MXD1: variants seen among roughly 807,000 people sequenced by gnomAD.
MXD1 encodes the protein MAX-binding protein.
MXD1 carries 9 observed loss-of-function variants against 25.7 expected under a neutral mutation model. That is an observed-to-expected ratio of 0.35 (90% confidence interval 0.21 to 0.61). The LOEUF is 0.61. Ranked by LOEUF, MXD1 falls within the 20% of genes least tolerant of loss-of-function variation. The probability of loss-of-function intolerance (pLI) is 0.75; values close to 1 mark genes in which losing one functional copy is unlikely to be tolerated. For missense variants in MXD1, 227 were observed against 292.4 expected, an observed-to-expected ratio of 0.78 and a Z score of 1.63; for synonymous variants, 99 against 113.9, an observed-to-expected ratio of 0.87 and a Z score of 0.83.
At chr2:69,920,150 G>T (rs531673092) in intron 2 of MXD1, among the ~76,000 whole-genome samples, 1 of 152,152 alleles carries the variant, frequency 6.6e-6, no homozygotes, top group South Asian at 2.1e-4. Flanking sequence ...CACCACGCCC[G>T]GCTAATTTTT....
At chr2:69,925,664 GTATTA>G (rs1032046742) in intron 3 of MXD1, among the ~76,000 whole-genome samples, 6 of 152,034 alleles carry the variant, frequency 3.9e-5, no homozygotes, top group African/African-American at 1.2e-4. Flanking sequence ...TTAATGCCCA[GTATTA>G]TATTATATGA....
intron 4 of MXD1, 46 bp from the exon 5 acceptor site, chr2:69,937,189 T>G (rs1429888207): frequency 6.2e-7 from 1 of 1,609,854 alleles, no homozygotes; most frequent in South Asian, 1.1e-5. Context: ...ATTGCCCATT[T>G]AGAGATCTCC....
rs373209191 is a variant in MXD1, at chr2:69,926,807, C to T, written c.203+5042C>T. Among the ~76,000 whole-genome samples, 42 of 152,320 alleles carry T rather than the reference C, an allele frequency of 2.8e-4. No individual in the cohort carries two copies. In the South Asian group the frequency reaches 8.5e-3, roughly 31 times the overall value. On this transcript the variant is annotated intron_variant, in intron 3 of 5. Coordinates refer to ENST00000264444, the MANE Select transcript of MXD1 (RefSeq NM_002357.4). ...TAAAACAAAGCCTTTCAATGAATCC[C>T]TCAGCAAATGGAGACTGAGCAAACA...
intron 3 of MXD1, among the ~76,000 whole-genome samples, chr2:69,931,623 T>G (rs1216278570): frequency 3.3e-5 from 5 of 152,216 alleles, no homozygotes; most frequent in Non-Finnish European, 5.9e-5. Context: ...AGTCAGAATT[T>G]TTTAAAAAAA....
At chr2:69,928,397 T>C (rs183754196) in intron 3 of MXD1, among the ~76,000 whole-genome samples, 1 of 152,302 alleles carries the variant, frequency 6.6e-6, no homozygotes, top group East Asian at 1.9e-4. Context: ...AAAGAAAGAA[T>C]ATGTTTGGTA....
chr2:69,915,496 GT>G lies in MXD1; in HGVS notation c.73+95del, dbSNP rs1338456371. The G allele has an allele frequency of 9.1e-7, 1 of 1,093,462 alleles. No individual in the cohort carries two copies. 67.7% of individuals were successfully genotyped at this position (1,093,462 alleles called of 1,614,324 possible). ...CGGGCGCCCAGCCGCTCCGGGGGTG[GT>G]TGGAGGCGGGGAGACCGCGAGCGCT... On this transcript the variant is annotated intron_variant, in intron 1 of 5. Transcript: ENST00000264444. The surrounding 1 kb of genome is among the most constrained non-coding windows in gnomAD (Gnocchi z 5.8).
rs1022826317 is a variant in MXD1, at chr2:69,939,981, G to T, written c.*1697G>T. 1 of 152,118 alleles carries T rather than the reference G, an allele frequency of 6.6e-6. No homozygotes were observed. The allele number at this position is 152,118 out of a possible 1,614,324, so 9.4% of individuals were successfully genotyped here. A position where few individuals can be genotyped will look rare whatever the true frequency, so the allele number is the denominator to read the frequency against. On this transcript the variant is annotated 3_prime_UTR_variant, in exon 6 of 6. Transcript: ENST00000264444. ...AGTCTCAGAAAGCAAGATTACTTTT[G>T]TGTTTTTTAAAAAATGATTCTTTAA... is the stretch of plus-strand genomic sequence containing the variant.
At chr2:69,934,696 A>C (rs533873872) in intron 3 of MXD1, among the ~76,000 whole-genome samples, 11 of 152,334 alleles carry the variant, frequency 7.2e-5, no homozygotes, top group African/African-American at 2.6e-4. Context: ...GTATACTCAC[A>C]GTTTGGAATC....
At chr2:69,937,065 A>G (rs1338508507) in intron 4 of MXD1, 170 bp from the exon 5 acceptor site, 1 of 859,216 alleles carries the variant, frequency 1.2e-6, no homozygotes, top group Non-Finnish European at 2.0e-6. Context: ...AGACGAAGCC[A>G]GGAGTCACTG....
chr2:69,936,290 G>T (rs971934800), intron 4 of MXD1, among the ~76,000 whole-genome samples: 1 of 152,060 alleles, frequency 6.6e-6, no homozygotes, highest in East Asian at 1.9e-4. Flanking sequence ...ACAGTGGTTT[G>T]TGTGACCATT....
In MXD1 at chr2:69,921,354, G is replaced by T. The variant is rs191505749; in HGVS notation, c.174-382G>T. ...CCCCTAGGGAAAACTGCAGGGGTGG[G>T]GTAGGGGTGCTACCTCCCCTGTTCT... On this transcript the variant is annotated intron_variant, in intron 2 of 5. Transcript: ENST00000264444. Among the ~76,000 whole-genome samples, 267 of 152,234 alleles carry T rather than the reference G, an allele frequency of 1.8e-3. 3 individuals are homozygous for T. Among genetic ancestry groups the T allele is most frequent in the Non-Finnish European group, 5.0e-4 (34 of 68,008 alleles).
rs775476137 is a variant in MXD1, at chr2:69,935,492, T to C, written c.318+27T>C. The C allele has an allele frequency of 3.7e-5, 54 of 1,461,110 alleles. 4 individuals carry two copies. The South Asian group carries it at 6.0e-4, about 16-fold the overall frequency. The allele number at this position is 1,461,110 out of a possible 1,614,324, so 90.5% of individuals were successfully genotyped here. A position where few individuals can be genotyped will look rare whatever the true frequency, so the allele number is the denominator to read the frequency against. ...TAAGTGTATTGTTGGGATGCTGCTT[T>C]ATCTTTACCTGTTCAGTGAGGGTTT... On this transcript the variant is annotated intron_variant, in intron 4 of 5. Transcript: ENST00000264444.
chr2:69,919,741 C>T (rs915241087), intron 2 of MXD1, among the ~76,000 whole-genome samples: 6 of 152,212 alleles, frequency 3.9e-5, no homozygotes, highest in Admixed American at 6.5e-5. Flanking sequence ...ATGCCAGATT[C>T]TTGTTAACTA....
chr2:69,929,184 C>T (rs1418744461), intron 3 of MXD1, among the ~76,000 whole-genome samples: 4 of 152,208 alleles, frequency 2.6e-5, no homozygotes, highest in Non-Finnish European at 5.9e-5. Context: ...TGAGCCACTG[C>T]GCCCGGCCCA....
Position 69,915,863 on chromosome 2 carries a change from C to T in MXD1, c.74-258C>T, listed in dbSNP as rs1676952481. On this transcript the variant is annotated intron_variant, in intron 1 of 5. Transcript: ENST00000264444. This position sits in a 1 kb window ranked among gnomAD's most constrained non-coding sequence, Gnocchi z 5.8. ...CCTGCTGGATGTAGCCAGTGGGAAA[C>T]CCAGGCTGCGTGAGCCTAGCCACTA... is the stretch of plus-strand genomic sequence containing the variant. 6.6e-6 allele frequency among the ~76,000 whole-genome samples: 1 copy of T among 152,262 alleles called. No individual in the cohort carries two copies. Among genetic ancestry groups the T allele is most frequent in the East Asian group, 1.9e-4 (1 of 5,198 alleles).
intron 2 of MXD1, among the ~76,000 whole-genome samples, chr2:69,917,548 G>A (rs1181983164): frequency 6.6e-6 from 1 of 152,048 alleles, no homozygotes; most frequent in African/African-American, 2.4e-5. Flanking sequence ...AATTTTTCTG[G>A]AAAAGCATCA....
At chr2:69,920,598 G>A (rs1270482160) in intron 2 of MXD1, among the ~76,000 whole-genome samples, 1 of 152,074 alleles carries the variant, frequency 6.6e-6, no homozygotes, top group Admixed American at 6.6e-5. Context: ...CACTCTTGAG[G>A]TGGTATTCCT....
chr2:69,940,380 T>C lies in MXD1; in HGVS notation c.*2096T>C, dbSNP rs560027133. 2.2e-4 allele frequency: 33 copies of C among 152,560 alleles called. No homozygotes were observed. The highest frequency in any genetic ancestry group is 7.9e-4 in the African/African-American group (33 of 41,556). 9.5% of individuals were successfully genotyped at this position (152,560 alleles called of 1,614,324 possible). ...TAGACCTCTCAAGCATTTTGTTTCA[T>C]TGCTACATCCAAGCGCCTCACAAGT... On this transcript the variant is annotated 3_prime_UTR_variant, in exon 6 of 6. Transcript: ENST00000264444.
At chr2:69,926,497 T>C (rs1677173956) in intron 3 of MXD1, among the ~76,000 whole-genome samples, 1 of 152,228 alleles carries the variant, frequency 6.6e-6, no homozygotes, top group African/African-American at 2.4e-5. Flanking sequence ...CATGCTTATA[T>C]ATTAGATCTT....
Sources: allele counts gnomAD v4.1 joint callset (sites outside exome capture counted in the v4.1 genomes callset), GRCh38; gene constraint gnomAD v4.1.1; non-coding constraint Gnocchi (gnomAD v3.1); transcripts MANE v1.5; gene names NCBI Gene and HGNC (gene_info 2026-07-23, HGNC 2026-07-21).